The following DOCK2 variants were observed in gnomAD, a reference collection of about 807,000 sequenced individuals.
The protein encoded by DOCK2 is dedicator of cytokinesis protein 2.
A neutral mutation model predicts 248.9 loss-of-function variants in DOCK2; 87 were observed. The ratio of observed to expected loss-of-function variants is 0.35; its 90% confidence interval spans 0.29 to 0.42. The LOEUF (loss-of-function observed/expected upper bound fraction) is 0.42. Ranked by LOEUF, DOCK2 falls within the 10% of genes least tolerant of loss-of-function variation. The probability of loss-of-function intolerance (pLI) is 1.00; values close to 1 mark genes in which losing one functional copy is unlikely to be tolerated. For missense variants in DOCK2, 1,747 were observed against 2,300.2 expected (o/e 0.76, Z 4.92); for synonymous variants, 805 against 821.6 (o/e 0.98, Z 0.35).
At chr5:169,857,986 C>A (rs1770988240) in intron 27 of DOCK2, among the ~76,000 whole-genome samples, 3 of 152,088 alleles carry the variant, frequency 2.0e-5, no homozygotes, top group Admixed American at 2.0e-4. Context: ...AGAATTGTTT[C>A]TTTATGTATA....
intron 41 of DOCK2, among the ~76,000 whole-genome samples, chr5:170,054,347 G>A (rs552506915): frequency 6.6e-6 from 1 of 152,226 alleles, no homozygotes; most frequent in South Asian, 2.1e-4. Flanking sequence ...GAAGAAATGG[G>A]AGGTAGGGAA....
intron 27 of DOCK2, among the ~76,000 whole-genome samples, chr5:169,933,142 G>A (rs1465535370): frequency 6.6e-6 from 1 of 152,182 alleles, no homozygotes; most frequent in Non-Finnish European, 1.5e-5. Flanking sequence ...AAGGAGAAGG[G>A]TGTAGAAACT....
rs1581514111 is a variant in DOCK2, at chr5:169,996,158, G to A, written c.3066G>A (p.Glu1022=). The A allele has an allele frequency of 1.2e-6, 2 of 1,613,736 alleles. No individual in the cohort carries two copies. The highest frequency in any genetic ancestry group is 1.7e-6 in the Non-Finnish European group (2 of 1,179,852). The part of the protein sequence containing the change: ...NQKFLEHTNF[E]FQLWNNYFHL... ...AGTTCCTAGAACACACGAACTTTGA[G>A]TTCCAGGTGAGTATAAGCCACCAGA... Residue 1022 remains glutamate (E), a synonymous_variant, in exon 30 of 52, where the codon GAG becomes GAA. Coordinates refer to ENST00000520908, the MANE Select transcript of DOCK2 (RefSeq NM_004946.3).
At position 170,054,391 on chromosome 5, in the gene DOCK2, G is replaced by A. The variant is rs568040526; in HGVS notation, c.4214-914G>A. ...GGGGTCAGGAGTGGGACCAGTGACC[G>A]CTGACTTTTTTCATTCAGTTTGCCA... is the stretch of plus-strand genomic sequence containing the variant. On this transcript the variant is annotated intron_variant, in intron 41 of 51. Coordinates refer to ENST00000520908, the MANE Select transcript of DOCK2 (RefSeq NM_004946.3). Among the ~76,000 whole-genome samples, 20 of 152,314 alleles carry A rather than the reference G, an allele frequency of 1.3e-4. 1 individual carries two copies. Among genetic ancestry groups the A allele is most frequent in the Non-Finnish European group, 2.2e-4 (15 of 68,028 alleles).
chr5:169,771,851 G>A (rs1765106602), intron 25 of DOCK2, among the ~76,000 whole-genome samples: 1 of 152,136 alleles, frequency 6.6e-6, no homozygotes, highest in Non-Finnish European at 1.5e-5. Flanking sequence ...TTTTTACTAA[G>A]AATTCTATAA....
intron 33 of DOCK2, among the ~76,000 whole-genome samples, chr5:170,023,928 C>T (rs12655995): frequency 0.39 from 58,885 of 151,990 alleles, 11,728 homozygotes; most frequent in East Asian, 0.56. Flanking sequence ...TCTAGGAGAA[C>T]AAGATGATAA....
At position 170,050,844 on chromosome 5, in the gene DOCK2, C is replaced by T. The variant is rs76212501; in HGVS notation, c.4213+447C>T. Reference sequence around the variant, plus strand: ...TTGCATGCATTGATTAATTCACTCACTCACTAATTCATTCTTATATTGAAT... The same window carrying T: ...TTGCATGCATTGATTAATTCACTCATTCACTAATTCATTCTTATATTGAAT... On this transcript the variant is annotated intron_variant, in intron 41 of 51. Coordinates refer to ENST00000520908, the MANE Select transcript of DOCK2 (RefSeq NM_004946.3). 2.8e-3 allele frequency among the ~76,000 whole-genome samples: 424 copies of T among 152,304 alleles called. 2 individuals are homozygous for T. The highest frequency in any genetic ancestry group is 9.8e-3 in the African/African-American group (407 of 41,560).
chr5:169,929,136 A>G (rs1775620182), intron 27 of DOCK2, among the ~76,000 whole-genome samples: 1 of 152,222 alleles, frequency 6.6e-6, no homozygotes, highest in Non-Finnish European at 1.5e-5. Context: ...CCTATGCAGG[A>G]AGCCCACGCA....
intron 44 of DOCK2, among the ~76,000 whole-genome samples, chr5:170,060,255 T>C (rs1757283437): frequency 6.6e-6 from 1 of 152,188 alleles, no homozygotes; most frequent in African/African-American, 2.4e-5. Context: ...GAGCTATGTA[T>C]GTTAGATAAG....
At chr5:170,067,128 A>T (rs1249121081) in intron 44 of DOCK2, among the ~76,000 whole-genome samples, 1 of 152,194 alleles carries the variant, frequency 6.6e-6, no homozygotes, top group Non-Finnish European at 1.5e-5. Flanking sequence ...GGGTGCCCAC[A>T]TCGCAAGCTG....
chr5:170,039,455 T>A (rs1203816475), intron 36 of DOCK2, among the ~76,000 whole-genome samples: 1 of 152,242 alleles, frequency 6.6e-6, no homozygotes, highest in African/African-American at 2.4e-5. Context: ...TGCCTGCGTT[T>A]GTCACTGTTT....
intron 1 of DOCK2, among the ~76,000 whole-genome samples, chr5:169,643,796 A>G (rs1246846327): frequency 6.6e-6 from 1 of 152,182 alleles, no homozygotes; most frequent in Non-Finnish European, 1.5e-5. Flanking sequence ...TGACGTGCAC[A>G]CTGTCACGGC....
intron 46 of DOCK2, among the ~76,000 whole-genome samples, chr5:170,069,860 C>CCTTTCTCT (rs1040172578): frequency 2.6e-5 from 4 of 152,182 alleles, no homozygotes; most frequent in Non-Finnish European, 5.9e-5. Flanking sequence ...TGTCTTTCCT[C>CCTTTCTCT]CTTTCTCTCT....
chr5:169,720,659 C>G (rs190670560), intron 22 of DOCK2, among the ~76,000 whole-genome samples: 132 of 152,304 alleles, frequency 8.7e-4, no homozygotes, highest in Admixed American at 1.6e-3. Context: ...GCTCCCCTTC[C>G]TACTGGAAGG....
chr5:169,697,386 G>A (rs1249713605), intron 10 of DOCK2, among the ~76,000 whole-genome samples: 2 of 152,182 alleles, frequency 1.3e-5, no homozygotes, highest in East Asian at 1.9e-4. Flanking sequence ...TACCAACTTA[G>A]CAACCAGTGG....
At chr5:169,869,416 C>T (rs1285766142) in intron 27 of DOCK2, among the ~76,000 whole-genome samples, 3 of 152,112 alleles carry the variant, frequency 2.0e-5, no homozygotes, top group East Asian at 3.8e-4. Context: ...GTGTGTGCTT[C>T]GGAAAGAAAT....
In DOCK2 at chr5:169,662,779, C is replaced by T. The variant is rs181433699; in HGVS notation, c.128-6509C>T. Among the ~76,000 whole-genome samples the T allele has an allele frequency of 3.3e-3, 509 of 152,324 alleles. 3 individuals are homozygous for T. Among genetic ancestry groups the T allele is most frequent in the African/African-American group, 0.011 (455 of 41,568 alleles). On this transcript the variant is annotated intron_variant, in intron 2 of 51. Coordinates refer to ENST00000520908, the MANE Select transcript of DOCK2 (RefSeq NM_004946.3). ...GATCCAGTCACTTCCCACCAGGTCC[C>T]TCCCCTGACACATGGGGATTACAAT...
chr5:169,745,765 T>C (rs1237269622), intron 22 of DOCK2, among the ~76,000 whole-genome samples: 5 of 152,184 alleles, frequency 3.3e-5, no homozygotes, highest in Non-Finnish European at 7.4e-5. Flanking sequence ...ATGTTTGCTG[T>C]TGTTTGTAAT....
At chr5:169,907,581 T>C (rs930975414) in intron 27 of DOCK2, among the ~76,000 whole-genome samples, 1 of 152,196 alleles carries the variant, frequency 6.6e-6, no homozygotes, top group Admixed American at 6.5e-5. Flanking sequence ...TCTAATTGAA[T>C]CCTCACAAAC....
Sources: allele counts gnomAD v4.1 joint callset (sites outside exome capture counted in the v4.1 genomes callset), GRCh38; gene constraint gnomAD v4.1.1; transcripts MANE v1.5; gene names NCBI Gene and HGNC (gene_info 2026-07-23, HGNC 2026-07-21).